The following UBR3 variants were observed in gnomAD, a reference collection of about 807,000 sequenced individuals.
UBR3 encodes the protein E3 ubiquitin-protein ligase UBR3.
In UBR3, 85 loss-of-function variants were observed where a neutral mutation model predicts 243.2. That is an observed-to-expected ratio of 0.35 (90% CI 0.29 to 0.42). UBR3 has a LOEUF of 0.42. UBR3 is among the 10% of genes least tolerant of loss of function. UBR3 has a pLI of 1.00. For missense variants in UBR3, 1,686 were observed against 2,300.8 expected (o/e 0.73, Z 5.47); for synonymous variants, 748 against 799.8 (o/e 0.94, Z 1.09).
intron 25 of UBR3, among the ~76,000 whole-genome samples, chr2:169,987,908 C>T (rs1192236923): frequency 6.6e-6 from 1 of 152,004 alleles, no homozygotes; most frequent in African/African-American, 2.4e-5. Context: ...ATGTAGAGAG[C>T]TCATATTGAC....
chr2:169,975,338 C>A (rs1230217210), intron 24 of UBR3, among the ~76,000 whole-genome samples: 2 of 152,092 alleles, frequency 1.3e-5, no homozygotes, highest in African/African-American at 2.4e-5. Flanking sequence ...GATTTAAATT[C>A]CATTAAGTTT....
chr2:169,893,314 T>C (rs2084445535), intron 6 of UBR3, among the ~76,000 whole-genome samples: 1 of 152,234 alleles, frequency 6.6e-6, no homozygotes. Context: ...ATATTTTCTT[T>C]TAAGTGCTTG....
chr2:169,854,078 T>TA (rs2082756700), intron 1 of UBR3, among the ~76,000 whole-genome samples: 1 of 152,078 alleles, frequency 6.6e-6, no homozygotes, highest in Admixed American at 6.5e-5. Flanking sequence ...ATGCGGGGCT[T>TA]AAAACCTAGA....
chr2:169,971,056 T>C (rs2088115532), intron 24 of UBR3, among the ~76,000 whole-genome samples: 1 of 151,802 alleles, frequency 6.6e-6, no homozygotes, highest in South Asian at 2.1e-4. Context: ...GGTTTTGATT[T>C]GCATTTCTCT....
chr2:169,960,582 T>C (rs1004561298), intron 24 of UBR3, among the ~76,000 whole-genome samples: 13 of 152,266 alleles, frequency 8.5e-5, no homozygotes, highest in African/African-American at 3.1e-4. Flanking sequence ...TTTTTGTTTT[T>C]TTACATGTTT....
chr2:169,853,243 C>A (rs1032594166), intron 1 of UBR3, among the ~76,000 whole-genome samples: 1 of 152,122 alleles, frequency 6.6e-6, no homozygotes, highest in African/African-American at 2.4e-5. Context: ...AAGAGCTGGG[C>A]AGGAGGCAGA....
intron 1 of UBR3, among the ~76,000 whole-genome samples, chr2:169,830,451 T>C (rs1207181724): frequency 2.0e-5 from 3 of 152,182 alleles, no homozygotes; most frequent in Non-Finnish European, 2.9e-5. Flanking sequence ...ATTCTTTGAC[T>C]CTGAGATTAT....
intron 1 of UBR3, among the ~76,000 whole-genome samples, chr2:169,859,939 G>C (rs1256383313): frequency 6.6e-6 from 1 of 151,866 alleles, no homozygotes; most frequent in Non-Finnish European, 1.5e-5. Context: ...AGATGTTCTG[G>C]ATCTCCTGAC....
chr2:169,979,433 C>CA (rs2088616880), intron 24 of UBR3, among the ~76,000 whole-genome samples: 1 of 152,122 alleles, frequency 6.6e-6, no homozygotes, highest in Non-Finnish European at 1.5e-5. Context: ...TATTTCCACA[C>CA]AAAAAATCTT....
At chr2:170,061,511 A>T in intron 35 of UBR3, 68 bp downstream of exon 35, 1 of 1,574,878 alleles carries the variant, frequency 6.3e-7, no homozygotes, top group South Asian at 1.2e-5. Flanking sequence ...TCTGTTGCCC[A>T]GACTGGAGTG....
chr2:170,072,019 C>T (rs969364725), intron 35 of UBR3, among the ~76,000 whole-genome samples: 2 of 152,148 alleles, frequency 1.3e-5, no homozygotes, highest in African/African-American at 4.8e-5. Flanking sequence ...TGTGGCGATT[C>T]CTCAGGGATC....
chr2:169,856,298 C>G (rs1314358212), intron 1 of UBR3, among the ~76,000 whole-genome samples: 1 of 151,828 alleles, frequency 6.6e-6, no homozygotes, highest in African/African-American at 2.4e-5. Context: ...AGACGCTCCT[C>G]ACTTCCTAGA....
chr2:169,937,316 T>A (rs901660419), intron 19 of UBR3, among the ~76,000 whole-genome samples: 1 of 152,224 alleles, frequency 6.6e-6, no homozygotes, highest in African/African-American at 2.4e-5. Flanking sequence ...TTTTGAGAAG[T>A]GTCTGTTCGT....
intron 18 of UBR3, among the ~76,000 whole-genome samples, chr2:169,930,898 G>A (rs1277306296): frequency 6.6e-6 from 1 of 152,070 alleles, no homozygotes; most frequent in African/African-American, 2.4e-5. Context: ...TGCTCCTAAA[G>A]TGGCCCCTGT....
intron 1 of UBR3, 103 bp from the exon 2 acceptor site, chr2:169,872,133 G>A (rs921631494): frequency 1.2e-6 from 1 of 800,054 alleles, no homozygotes; most frequent in African/African-American, 1.8e-5. Context: ...TCATAAAGGA[G>A]GATTTATTGG....
intron 1 of UBR3, among the ~76,000 whole-genome samples, chr2:169,867,663 G>A (rs1209192572): frequency 6.6e-6 from 1 of 152,128 alleles, no homozygotes; most frequent in African/African-American, 2.4e-5. Flanking sequence ...TGCTTTCAAC[G>A]AATTAGTAAA....
intron 18 of UBR3, among the ~76,000 whole-genome samples, chr2:169,932,076 A>ATTTTTTTTTTT (rs140968517): frequency 6.9e-6 from 1 of 145,920 alleles, no homozygotes. Context: ...TAGCTCATTA[A>ATTTTTTTTTTT]TTTTTTTTTT....
intron 1 of UBR3, among the ~76,000 whole-genome samples, chr2:169,846,727 A>G (rs971716306): frequency 6.6e-6 from 1 of 151,336 alleles, no homozygotes; most frequent in African/African-American, 2.4e-5. Flanking sequence ...AAAAAAAAAA[A>G]TCTTCTTTTA....
intron 36 of UBR3, 26 bp downstream of exon 36, chr2:170,073,633 T>A (rs370423050): frequency 1.2e-6 from 2 of 1,605,264 alleles, no homozygotes; most frequent in Non-Finnish European, 1.7e-6. Context: ...TGTACTAGCT[T>A]GTCACGGTGG....
Sources: gnomAD v4.1 joint callset for allele counts (sites outside exome capture counted in the v4.1 genomes callset) on GRCh38, gnomAD v4.1.1 for gene constraint, MANE v1.5 for transcripts, NCBI Gene and HGNC (gene_info 2026-07-23, HGNC 2026-07-21) for gene names.